NEDD4: variants seen among roughly 807,000 people sequenced by gnomAD.
The protein encoded by NEDD4 is E3 ubiquitin-protein ligase NEDD4.
NEDD4 carries 99 observed loss-of-function variants against 144.9 expected under a neutral mutation model. That is an observed-to-expected ratio of 0.68 (90% CI 0.58 to 0.81). NEDD4 has a LOEUF of 0.81. Ranked by LOEUF, NEDD4 falls within the 30% of genes least tolerant of loss-of-function variation. The pLI is 0.00. For synonymous variants in NEDD4, 318 were observed against 350.6 expected (o/e 0.91, Z 1.04); for missense variants, 985 against 1,065.9 (o/e 0.92, Z 1.06).
At chr15:55,971,451 C>T (rs1320278777) in intron 1 of NEDD4, among the ~76,000 whole-genome samples, 1 of 151,836 alleles carries the variant, frequency 6.6e-6, no homozygotes, top group Admixed American at 6.6e-5. Context: ...ATGGTTAAAC[C>T]CCGTCTCCAC....
chr15:55,936,795 CTTT>C (rs762982574), intron 4 of NEDD4, among the ~76,000 whole-genome samples: 2 of 141,450 alleles, frequency 1.4e-5, no homozygotes. Flanking sequence ...TATTTCTTTT[CTTT>C]TTTTTTTTTT....
chr15:55,835,106 C>T (rs146900173), intron 24 of NEDD4, among the ~76,000 whole-genome samples: 13 of 152,226 alleles, frequency 8.5e-5, no homozygotes, highest in South Asian at 2.1e-4. Context: ...AAACTAATGA[C>T]TCTCTTTTTC....
intron 6 of NEDD4, among the ~76,000 whole-genome samples, chr15:55,872,716 G>A (rs1237687146): frequency 6.6e-6 from 1 of 152,138 alleles, no homozygotes; most frequent in Non-Finnish European, 1.5e-5. Flanking sequence ...GAGCCAAAGG[G>A]AGGGCAGAAG....
At chr15:55,878,027 C>T (rs1387412935) in intron 5 of NEDD4, among the ~76,000 whole-genome samples, 1 of 152,008 alleles carries the variant, frequency 6.6e-6, no homozygotes, top group African/African-American at 2.4e-5. Context: ...GCCACTTGTC[C>T]AGAGAACCCT....
intron 1 of NEDD4, among the ~76,000 whole-genome samples, chr15:55,983,304 G>GCGCA (rs199852397): frequency 8.5e-5 from 8 of 93,812 alleles, no homozygotes; most frequent in African/African-American, 2.0e-4. Flanking sequence ...GTGTGTGCGT[G>GCGCA]CGCGCGCGTG....
chr15:55,938,910 A>C (rs1192159198), intron 4 of NEDD4, among the ~76,000 whole-genome samples: 1 of 152,128 alleles, frequency 6.6e-6, no homozygotes, highest in Non-Finnish European at 1.5e-5. Flanking sequence ...GTCTGAGACC[A>C]GCCTGGGCAA....
At chr15:55,850,346 C>T (rs1187870467) in intron 14 of NEDD4, among the ~76,000 whole-genome samples, 196 bp downstream of exon 14, 2 of 152,126 alleles carry the variant, frequency 1.3e-5, no homozygotes, top group Admixed American at 6.5e-5. Flanking sequence ...ATATCTCCAT[C>T]ATAATCCAAA....
At chr15:55,868,273 C>T (rs1231834820) in intron 8 of NEDD4, among the ~76,000 whole-genome samples, 1 of 152,026 alleles carries the variant, frequency 6.6e-6, no homozygotes, top group Non-Finnish European at 1.5e-5. Context: ...CTAAGCAGGC[C>T]CTCAGTCAGA....
chr15:55,866,675 A>C (rs1297477474), intron 8 of NEDD4, among the ~76,000 whole-genome samples: 1 of 152,170 alleles, frequency 6.6e-6, no homozygotes, highest in Non-Finnish European at 1.5e-5. Context: ...TTCTCTCTTA[A>C]ATGTCTGCTT....
At chr15:55,855,424 G>A (rs778445589) in intron 12 of NEDD4, among the ~76,000 whole-genome samples, 2 of 152,172 alleles carry the variant, frequency 1.3e-5, no homozygotes, top group Non-Finnish European at 2.9e-5. Context: ...AGGAATGAAG[G>A]CAGCAGGAGG....
At chr15:55,882,060 A>C (rs1181104356) in intron 5 of NEDD4, among the ~76,000 whole-genome samples, 4 of 152,226 alleles carry the variant, frequency 2.6e-5, no homozygotes, top group African/African-American at 9.6e-5. Flanking sequence ...ACAAACGTGC[A>C]GAAGTCTCTT....
intron 1 of NEDD4, among the ~76,000 whole-genome samples, chr15:55,984,016 C>T (rs1269488509): frequency 2.6e-5 from 4 of 152,126 alleles, no homozygotes; most frequent in African/African-American, 4.8e-5. Context: ...GCTATAAAAT[C>T]GGTAAAGTAT....
chr15:55,927,077 C>CAAAAAAAAAAAAAAAA (rs57940091), intron 4 of NEDD4, among the ~76,000 whole-genome samples: 4 of 70,652 alleles, frequency 5.7e-5, no homozygotes, highest in Non-Finnish European at 8.0e-5. Context: ...GACTACGTCT[C>CAAAAAAAAAAAAAAAA]AAAAAAAAAA....
chr15:55,859,106 CATTA>C (rs1158467969), intron 11 of NEDD4, among the ~76,000 whole-genome samples: 14 of 152,170 alleles, frequency 9.2e-5, no homozygotes, highest in African/African-American at 3.4e-4. Flanking sequence ...GATCAGCTCT[CATTA>C]AATATTTACT....
At chr15:55,857,712 C>T (rs1056018287) in intron 11 of NEDD4, among the ~76,000 whole-genome samples, 7 of 152,126 alleles carry the variant, frequency 4.6e-5, no homozygotes, top group East Asian at 1.9e-4. Flanking sequence ...ATAGGTAACA[C>T]TCATACATGT....
At chr15:55,839,999 AATATAT>A (rs1176994871) in intron 21 of NEDD4, among the ~76,000 whole-genome samples, 100 of 26,064 alleles carry the variant, frequency 3.8e-3, no homozygotes, top group African/African-American at 4.4e-3. Flanking sequence ...AAAAAAAAAA[AATATAT>A]ATATATATAT....
intron 1 of NEDD4, among the ~76,000 whole-genome samples, chr15:55,983,845 A>G (rs1406288578): frequency 2.0e-5 from 3 of 151,576 alleles, no homozygotes; most frequent in Admixed American, 1.3e-4. Flanking sequence ...TCCTGACCTC[A>G]AGTGATCCAC....
At chr15:55,902,797 C>G (rs2035952694) in intron 5 of NEDD4, among the ~76,000 whole-genome samples, 1 of 151,734 alleles carries the variant, frequency 6.6e-6, no homozygotes, top group African/African-American at 2.4e-5. Flanking sequence ...CAGAAAAAAA[C>G]AAAGTAATTA....
At chr15:55,841,659 C>T (rs938409157) in intron 19 of NEDD4, among the ~76,000 whole-genome samples, 29 of 152,082 alleles carry the variant, frequency 1.9e-4, no homozygotes, top group African/African-American at 6.7e-4. Context: ...CTCGGCTCCG[C>T]CTTCCGGGTT....
Sources: allele counts gnomAD v4.1 joint callset (sites outside exome capture counted in the v4.1 genomes callset), GRCh38; gene constraint gnomAD v4.1.1; transcripts MANE v1.5; gene names NCBI Gene and HGNC (gene_info 2026-07-23, HGNC 2026-07-21).